LGALS12: variants seen among roughly 807,000 people sequenced by gnomAD.
The protein encoded by LGALS12 is galectin 12.
Under a neutral mutation model 36.8 loss-of-function variants are expected in LGALS12, and 36 were observed. That is an observed-to-expected ratio of 0.98 (90% confidence interval 0.75 to 1.29). LGALS12 has a LOEUF of 1.29. LGALS12 is among the 50% of genes most tolerant of loss of function. The probability of loss-of-function intolerance (pLI) is 0.00; values close to 1 mark genes in which losing one functional copy is unlikely to be tolerated. For missense variants in LGALS12, 366 were observed against 394.3 expected (o/e 0.93, Z 0.61); for synonymous variants, 145 against 155.9 (o/e 0.93, Z 0.52).
chr11:63,511,816 G>C lies in LGALS12; in HGVS notation c.623G>C (p.Gly208Ala), dbSNP rs749108134. ...LSPGQVIIVR[G>A]LVLQEPKHFT... ...CCTGGGCAGGTCATCATAGTACGGG[G>C]ACTGGTCTTGCAAGAGCCGAAGCAG... The change falls in exon 7 of 9, where the codon GGA becomes GCA. Residue 208 changes from glycine to alanine, a missense_variant. Physicochemically the swap from Gly to Ala is moderately conservative, Grantham distance 60. Coordinates refer to ENST00000394618, the MANE Select transcript of LGALS12 (RefSeq NM_033101.4). 1.6e-5 allele frequency: 26 copies of C among 1,613,480 alleles called. No individual in the cohort carries two copies. Among genetic ancestry groups the C allele is most frequent in the Non-Finnish European group, 1.4e-5 (17 of 1,179,766 alleles).
At position 63,506,412 on chromosome 11, in the gene LGALS12, G is replaced by A. The variant is rs1242418295; in HGVS notation, c.-47G>A. 6 of 1,614,236 alleles carry A rather than the reference G, an allele frequency of 3.7e-6. No homozygotes were observed. The highest frequency in any genetic ancestry group is 2.2e-5 in the East Asian group (1 of 44,894). On this transcript the variant is annotated 5_prime_UTR_variant, in exon 1 of 9. Coordinates refer to ENST00000394618, the MANE Select transcript of LGALS12 (RefSeq NM_033101.4). ...GGGCAGATGAGTCAGCCCAGTGGGG[G>A]CAGGGCTCCTGGAACGAGGATCTAC...
chr11:63,508,899 C>A lies in LGALS12; in HGVS notation c.280C>A (p.Arg94Ser). ...HVICNTLHGG[R>S]WQREARWPHL... Reference sequence around the variant, plus strand: ...CATCTGCAACACCCTGCATGGTGGACGCTGGCAAAGGGAGGCCCGGTGGCC... The same window carrying A: ...CATCTGCAACACCCTGCATGGTGGAAGCTGGCAAAGGGAGGCCCGGTGGCC... Residue 94 changes from arginine (R) to serine (S), a missense_variant, in exon 3 of 9, where the codon CGC becomes AGC. Coordinates refer to ENST00000394618, the MANE Select transcript of LGALS12 (RefSeq NM_033101.4). 6.2e-7 allele frequency: 1 copy of A among 1,614,242 alleles called. No individual in the cohort carries two copies. Among genetic ancestry groups the A allele is most frequent in the Non-Finnish European group, 8.5e-7 (1 of 1,180,022 alleles).
At chr11:63,510,591 C>G in intron 5 of LGALS12, 90 bp downstream of exon 5, 1 of 1,252,764 alleles carries the variant, frequency 8.0e-7, no homozygotes, top group South Asian at 1.2e-5. Context: ...CCCAGCTGCC[C>G]CTTCCCTCAC....
intron 5 of LGALS12, among the ~76,000 whole-genome samples, 173 bp downstream of exon 5, chr11:63,510,674 C>T (rs951128504): frequency 6.6e-6 from 1 of 152,220 alleles, no homozygotes; most frequent in African/African-American, 2.4e-5. Context: ...CTCCCAGCCC[C>T]TCTCCAGGCC....
At chr11:63,515,536 C>T in intron 7 of LGALS12, 27 bp from the exon 8 acceptor site, 1 of 1,612,166 alleles carries the variant, frequency 6.2e-7, no homozygotes, top group Non-Finnish European at 8.5e-7. Flanking sequence ...GGCGCTGATT[C>T]CTTCTCCTTC....
intron 1 of LGALS12, among the ~76,000 whole-genome samples, chr11:63,507,833 G>C (rs2016788934): frequency 6.9e-6 from 1 of 144,034 alleles, no homozygotes; most frequent in African/African-American, 2.5e-5. Context: ...CATCTCCCAG[G>C]CTCAAGCAAT....
chr11:63,508,459 GT>G, intron 1 of LGALS12, 93 bp from the exon 2 acceptor site: 1 of 1,536,916 alleles, frequency 6.5e-7, no homozygotes, highest in Non-Finnish European at 8.7e-7. Context: ...GAAAAGTTGA[GT>G]TTTATTCTGC....
rs1220530007 is a variant in LGALS12, at chr11:63,511,833, C to T, written c.640C>T (p.Pro214Ser). 1 of 1,610,394 alleles carries T rather than the reference C, an allele frequency of 6.2e-7. No homozygotes were observed. The highest frequency in any genetic ancestry group is 8.5e-7 in the Non-Finnish European group (1 of 1,176,920). The change falls in exon 7 of 9, where the codon CCG becomes TCG. Residue 214 changes from proline (P) to serine (S), a missense_variant. Physicochemically the swap from Pro to Ser is moderately conservative, Grantham distance 74. Transcript: ENST00000394618. ...IIVRGLVLQE[P>S]KHFTVSLRDQ... ...AGTACGGGGACTGGTCTTGCAAGAG[C>T]CGAAGCAGTAAGTATCCAGCATCTA...
chr11:63,508,508 G>A (rs771301477), intron 1 of LGALS12, 45 bp from the exon 2 acceptor site: 1 of 1,613,024 alleles, frequency 6.2e-7, no homozygotes, highest in African/African-American at 1.3e-5. Flanking sequence ...AGGTCCCTAA[G>A]CCCTTTCTCC....
At chr11:63,507,160 C>T (rs924074309) in intron 1 of LGALS12, among the ~76,000 whole-genome samples, 7 of 152,234 alleles carry the variant, frequency 4.6e-5, no homozygotes, top group African/African-American at 1.7e-4. Flanking sequence ...ACCAGCTGAG[C>T]TTGCCAAGCT....
chr11:63,510,444 T>C lies in LGALS12; in HGVS notation c.493-19T>C, dbSNP rs1353797675. 4 of 1,613,834 alleles carry C rather than the reference T, an allele frequency of 2.5e-6. No individual in the cohort carries two copies. Among genetic ancestry groups the C allele is most frequent in the South Asian group, 2.2e-5 (2 of 91,084 alleles). On this transcript the variant is annotated intron_variant, in intron 4 of 8. Transcript: ENST00000394618. The stretch of plus-strand genomic sequence containing the variant: ...AGTGGTCCTAAATGCTGCTGATTCT[T>C]TTCTCTCTTTCTGAACAGCCATTTG...
In LGALS12 at chr11:63,508,963, T is replaced by C; in HGVS notation, c.344T>C (p.Leu115Pro). ...ALRRGSSFLI[L>P]FLFGNEEVKV... ...CGAAGAGGCTCCAGCTTCCTCATCC[T>C]CTTTCTCTTCGGGAATGAGGAAGTG... The change falls in exon 3 of 9, where the codon CTC becomes CCC. Residue 115 changes from leucine (L) to proline (P), a missense_variant. By Grantham distance (98) the Leu-to-Pro change is moderately conservative. Coordinates refer to ENST00000394618, the MANE Select transcript of LGALS12 (RefSeq NM_033101.4). 1 of 1,614,096 alleles carries C rather than the reference T, an allele frequency of 6.2e-7. No homozygotes were observed.
intron 1 of LGALS12, chr11:63,508,288 A>G: frequency 2.3e-6 from 3 of 1,328,596 alleles, no homozygotes; most frequent in Non-Finnish European, 2.9e-6. Context: ...GGAGCTGGGG[A>G]AAGGCAACTG....
intron 3 of LGALS12, 24 bp downstream of exon 3, chr11:63,509,015 G>A (rs1208019934): frequency 5.7e-6 from 9 of 1,589,458 alleles, no homozygotes; most frequent in African/African-American, 1.3e-5. Flanking sequence ...CGGGCATTGG[G>A]TGGTCTAGAA....
Position 63,516,553 on chromosome 11 carries a change from G to A in LGALS12, c.*160G>A. On this transcript the variant is annotated 3_prime_UTR_variant, in exon 9 of 9. Coordinates refer to ENST00000394618, the MANE Select transcript of LGALS12 (RefSeq NM_033101.4). ...GAGTCTACAGGAGCTTTGGGCCTGA[G>A]GGAAGGCACAAGAGTGCAAAGGTTC... The A allele has an allele frequency of 1.2e-6, 1 of 822,946 alleles. No homozygotes were observed. The highest frequency in any genetic ancestry group is 1.9e-6 in the Non-Finnish European group (1 of 519,202). 51.0% of individuals were successfully genotyped at this position (822,946 alleles called of 1,614,324 possible).
At chr11:63,513,923 G>T (rs2016999754) in intron 7 of LGALS12, among the ~76,000 whole-genome samples, 1 of 152,164 alleles carries the variant, frequency 6.6e-6, no homozygotes, top group Non-Finnish European at 1.5e-5. Context: ...CTGCATGAAG[G>T]TGAGGTAGGG....
At chr11:63,508,053 A>G (rs2016795205) in intron 1 of LGALS12, 5 of 999,698 alleles carry the variant, frequency 5.0e-6, no homozygotes, top group Non-Finnish European at 6.0e-6. Context: ...TAACTTCTAC[A>G]TGGGGAAAGG....
rs1205479049 is a variant in LGALS12 at position 63,516,388 on chromosome 11, T to C, written c.940T>C (p.Ser314Pro). The C allele has an allele frequency of 6.2e-7, 1 of 1,613,902 alleles. No individual in the cohort carries two copies. Among genetic ancestry groups the C allele is most frequent in the Admixed American group, 1.7e-5 (1 of 60,016 alleles). ...SGSVQLYCVH[S>P] Reference sequence around the variant, plus strand: ...AAGTGTCCAGCTCTACTGTGTCCACTCCTGAGGATGGTTCCAGGGAAATAC... The same window carrying C: ...AAGTGTCCAGCTCTACTGTGTCCACCCCTGAGGATGGTTCCAGGGAAATAC... Residue 314 changes from serine (S) to proline (P), a missense_variant, in exon 9 of 9, where the codon TCC (serine) becomes CCC (proline). Physicochemically the swap from Ser to Pro is moderately conservative, Grantham distance 74. Transcript: ENST00000394618.
chr11:63,515,750 G>A (rs1343876112), intron 8 of LGALS12, 37 bp downstream of exon 8: 1 of 1,601,836 alleles, frequency 6.2e-7, no homozygotes, highest in South Asian at 1.1e-5. Context: ...CCTTCAGGCT[G>A]GAGCACAGAG....
Sources: allele counts gnomAD v4.1 joint callset (sites outside exome capture counted in the v4.1 genomes callset), GRCh38; gene constraint gnomAD v4.1.1; transcripts MANE v1.5; gene names NCBI Gene and HGNC (gene_info 2026-07-23, HGNC 2026-07-21).